Variants in DGKB observed in about 807,000 individuals in gnomAD.
DGKB encodes the protein 90 kDa diacylglycerol kinase.
DGKB carries 67 observed loss-of-function variants against 114.3 expected under a neutral mutation model. The ratio of observed to expected loss-of-function variants is 0.59; its 90% CI spans 0.48 to 0.72. DGKB has a LOEUF of 0.72. Among genes scored for constraint, DGKB ranks in the 30% least tolerant of loss-of-function variants. DGKB has a pLI of 0.00. For missense variants in DGKB, 907 were observed against 975.2 expected, an observed-to-expected ratio of 0.93 and a Z score of 0.93; for synonymous variants, 398 against 323.1, an observed-to-expected ratio of 1.23 and a Z score of -2.49.
intron 17 of DGKB, among the ~76,000 whole-genome samples, chr7:14,592,530 T>A (rs1322692502): frequency 6.6e-6 from 1 of 151,950 alleles, no homozygotes; most frequent in East Asian, 1.9e-4. Context: ...TTTTCTGATT[T>A]GTGATGTTAC....
At chr7:14,344,546 T>C (rs1812155904) in intron 22 of DGKB, among the ~76,000 whole-genome samples, 1 of 151,672 alleles carries the variant, frequency 6.6e-6, no homozygotes, top group Non-Finnish European at 1.5e-5. Context: ...TCATATCAAC[T>C]AGTCATTAAG....
intron 25 of DGKB, among the ~76,000 whole-genome samples, chr7:14,151,050 G>T (rs4721307): frequency 0.77 from 117,490 of 151,928 alleles, 45,472 homozygotes; most frequent in South Asian, 0.8. Context: ...CACTATTTTT[G>T]AACATTGAAA....
At chr7:14,944,549 G>A (rs1041069498) in intron 1 of DGKB, among the ~76,000 whole-genome samples, 1 of 151,794 alleles carries the variant, frequency 6.6e-6, no homozygotes, top group Admixed American at 6.6e-5. Flanking sequence ...TTTCTCTTCT[G>A]TAATACGTAA....
At chr7:14,208,142 C>T (rs2128299384) in intron 23 of DGKB, among the ~76,000 whole-genome samples, 1 of 152,100 alleles carries the variant, frequency 6.6e-6, no homozygotes, top group East Asian at 1.9e-4. Context: ...CCTGTCTCTC[C>T]AGTAAAATAA....
chr7:14,892,146 G>A (rs1263074017), intron 1 of DGKB, among the ~76,000 whole-genome samples: 2 of 151,324 alleles, frequency 1.3e-5, no homozygotes, highest in Non-Finnish European at 3.0e-5. Context: ...TCAAGCTACT[G>A]GATATTGGTG....
At chr7:14,593,597 T>A (rs1489903907) in intron 17 of DGKB, among the ~76,000 whole-genome samples, 2 of 152,026 alleles carry the variant, frequency 1.3e-5, no homozygotes, top group East Asian at 3.9e-4. Flanking sequence ...TGTTAAAATA[T>A]AAATTTTTTC....
At chr7:14,707,556 C>CA (rs1255641468) in intron 6 of DGKB, among the ~76,000 whole-genome samples, 5 of 93,788 alleles carry the variant, frequency 5.3e-5, no homozygotes, top group African/African-American at 1.1e-4. Context: ...AACATTGATG[C>CA]AAAAATCCTC....
intron 13 of DGKB, 110 bp downstream of exon 13, chr7:14,672,819 T>A (rs1819192886): frequency 1.7e-6 from 1 of 571,572 alleles, no homozygotes; most frequent in Non-Finnish European, 3.1e-6. Context: ...TAGATCTATA[T>A]ACTTCTACCT....
intron 23 of DGKB, among the ~76,000 whole-genome samples, chr7:14,299,439 G>C (rs1417576597): frequency 6.6e-6 from 1 of 151,996 alleles, no homozygotes. Context: ...CAAATGAATG[G>C]ATAGATAAAT....
chr7:14,223,699 A>G (rs1358857094), intron 23 of DGKB, among the ~76,000 whole-genome samples: 2 of 151,728 alleles, frequency 1.3e-5, no homozygotes, highest in East Asian at 3.9e-4. Flanking sequence ...TTAGCAACAA[A>G]TTTTCTCAGT....
At chr7:14,763,393 T>G (rs1562473841) in intron 2 of DGKB, among the ~76,000 whole-genome samples, 1 of 152,200 alleles carries the variant, frequency 6.6e-6, no homozygotes, top group East Asian at 1.9e-4. Flanking sequence ...ATTTTAGAGT[T>G]TGCAAAGTGT....
intron 21 of DGKB, among the ~76,000 whole-genome samples, chr7:14,420,903 T>A (rs1156867879): frequency 1.3e-5 from 2 of 151,934 alleles, no homozygotes; most frequent in Non-Finnish European, 2.9e-5. Flanking sequence ...ACCCCACCTC[T>A]CCATGCCCAA....
At chr7:14,308,362 A>G (rs1343449391) in intron 23 of DGKB, among the ~76,000 whole-genome samples, 1 of 152,130 alleles carries the variant, frequency 6.6e-6, no homozygotes, top group East Asian at 1.9e-4. Flanking sequence ...AATTTGTAAT[A>G]GGTGTTTTCT....
chr7:14,841,559 A>G (rs910002281), intron 1 of DGKB, 109 bp from the exon 2 acceptor site: 2 of 262,378 alleles, frequency 7.6e-6, no homozygotes, highest in Non-Finnish European at 1.4e-5. Context: ...ATAAATTAAG[A>G]GTACAAATTG....
intron 23 of DGKB, among the ~76,000 whole-genome samples, chr7:14,179,319 C>A (rs184050555): frequency 1.8e-4 from 28 of 152,262 alleles, no homozygotes; most frequent in Non-Finnish European, 2.9e-4. Flanking sequence ...AGGCCAAAGT[C>A]TAGGTGCATA....
At chr7:14,529,326 T>C (rs1399139435) in intron 20 of DGKB, among the ~76,000 whole-genome samples, 2 of 151,874 alleles carry the variant, frequency 1.3e-5, no homozygotes. Flanking sequence ...CATGTGTTTG[T>C]TATAAAAGTT....
chr7:14,406,303 T>C (rs1772767627), intron 21 of DGKB, among the ~76,000 whole-genome samples: 1 of 152,042 alleles, frequency 6.6e-6, no homozygotes. Flanking sequence ...TGAGAGCAAG[T>C]TGGCTCAGAA....
chr7:14,432,849 C>T (rs778265581), intron 21 of DGKB, among the ~76,000 whole-genome samples: 1 of 152,144 alleles, frequency 6.6e-6, no homozygotes, highest in Non-Finnish European at 1.5e-5. Context: ...TGCTCCAGAA[C>T]CTTTTTATTT....
intron 20 of DGKB, among the ~76,000 whole-genome samples, chr7:14,551,167 G>A (rs975646480): frequency 6.6e-6 from 1 of 152,116 alleles, no homozygotes; most frequent in East Asian, 1.9e-4. Context: ...AAGGCTGAAG[G>A]ATATTAAATC....
Sources: gnomAD v4.1 joint callset for allele counts (sites outside exome capture counted in the v4.1 genomes callset) on GRCh38, gnomAD v4.1.1 for gene constraint, MANE v1.5 for transcripts, NCBI Gene and HGNC (gene_info 2026-07-23, HGNC 2026-07-21) for gene names.